The following HAUS6 variants were observed in gnomAD, a reference collection of about 807,000 sequenced individuals.
The protein encoded by HAUS6 is HAUS augmin-like complex subunit 6.
In HAUS6, 80 loss-of-function variants were observed where a neutral mutation model predicts 106.8. That is an observed-to-expected ratio of 0.75 (90% confidence interval 0.63 to 0.90). The LOEUF (loss-of-function observed/expected upper bound fraction) is 0.90, where lower values mean the gene tolerates loss of function less well. Among genes scored for constraint, HAUS6 ranks in the 40% least tolerant of loss-of-function variants. HAUS6 has a pLI of 0.00. For synonymous variants in HAUS6, 356 were observed against 379.1 expected, an observed-to-expected ratio of 0.94 and a Z score of 0.71; for missense variants, 1,155 against 1,118.1, an observed-to-expected ratio of 1.03 and a Z score of -0.47.
At chr9:19,084,288 T>G (rs1837232896) in intron 7 of HAUS6, among the ~76,000 whole-genome samples, 1 of 152,198 alleles carries the variant, frequency 6.6e-6, no homozygotes, top group Non-Finnish European at 1.5e-5. Flanking sequence ...TATACTGGCA[T>G]TTATATGAAG....
chr9:19,100,616 G>T (rs1482625020), intron 1 of HAUS6, among the ~76,000 whole-genome samples: 3 of 152,086 alleles, frequency 2.0e-5, no homozygotes, highest in African/African-American at 7.2e-5. Context: ...ATATGAAAGA[G>T]GCATCTGCAC....
rs1348234470 is a variant in HAUS6 at position 19,055,391 on chromosome 9, T to C, written c.*952A>G. ...AAGGAGTGAGGCAGGAGACTGCAAGTGTGACAAGTTATTTAACCCCAAGTT... is the reference window on the plus strand; with the variant it reads ...AAGGAGTGAGGCAGGAGACTGCAAGCGTGACAAGTTATTTAACCCCAAGTT... On this transcript the variant is annotated 3_prime_UTR_variant, in exon 17 of 17. Transcript: ENST00000380502. The C allele has an allele frequency of 6.6e-6, 1 of 152,190 alleles. No individual in the cohort carries two copies. Among genetic ancestry groups the C allele is most frequent in the African/African-American group, 2.4e-5 (1 of 41,438 alleles). The allele number at this position is 152,190 out of a possible 1,614,324, so 9.4% of individuals were successfully genotyped here. A position where few individuals can be genotyped will look rare whatever the true frequency, so the allele number is the denominator to read the frequency against.
chr9:19,060,325 C>T (rs1447065821), intron 14 of HAUS6, 102 bp from the exon 15 acceptor site: 13 of 852,034 alleles, frequency 1.5e-5, no homozygotes. Context: ...GTCAGCAGCC[C>T]CTCCCATTGC....
intron 1 of HAUS6, 78 bp downstream of exon 1, chr9:19,102,446 C>T (rs1818009742): frequency 6.8e-7 from 1 of 1,473,314 alleles, no homozygotes; most frequent in African/African-American, 1.4e-5. Context: ...TAATCAACCT[C>T]CGGGGTCTAC....
intron 12 of HAUS6, chr9:19,063,783 C>G: frequency 2.7e-6 from 2 of 731,680 alleles, no homozygotes; most frequent in Non-Finnish European, 5.1e-6. Flanking sequence ...GTATCAGCCT[C>G]CCAATTATGA....
chr9:19,063,669 G>A (rs146620362), intron 12 of HAUS6, 89 bp from the exon 13 acceptor site: 91 of 885,720 alleles, frequency 1.0e-4, no homozygotes, highest in East Asian at 1.9e-4. Context: ...TGTCTGCCCC[G>A]TATCTGTCCG....
In HAUS6 at chr9:19,060,210, A is replaced by G. The variant is rs373829082; in HGVS notation, c.1643T>C (p.Val548Ala). 2 of 1,555,300 alleles carry G rather than the reference A, an allele frequency of 1.3e-6. No individual in the cohort carries two copies. The highest frequency in any genetic ancestry group is 1.4e-5 in the African/African-American group (1 of 72,032). ...DHLVEEVARAVLSDSPQLSEG... is the reference protein window; with the variant it reads ...DHLVEEVARAALSDSPQLSEG... ...AGAGAGCTGTGGTGAATCAGATAAAACTGCTCTGGCAACCTAAAACAGAAA... is the reference window on the plus strand; with the variant it reads ...AGAGAGCTGTGGTGAATCAGATAAAGCTGCTCTGGCAACCTAAAACAGAAA... Residue 548 changes from valine to alanine, a missense_variant, in exon 15 of 17, where the codon GTT (valine) becomes GCT (alanine). By Grantham distance (64) the Val-to-Ala change is moderately conservative. This residue lies in a region of HAUS6 where 761 missense variants were observed against 690.0 expected (regional missense o/e 1.10). Transcript: ENST00000380502.
intron 14 of HAUS6, among the ~76,000 whole-genome samples, chr9:19,060,586 A>G (rs1166394530): frequency 1.3e-5 from 2 of 152,246 alleles, no homozygotes; most frequent in Non-Finnish European, 2.9e-5. Flanking sequence ...TAAAATGACT[A>G]GTTTTAAAGG....
intron 1 of HAUS6, among the ~76,000 whole-genome samples, chr9:19,099,423 C>T (rs1817940580): frequency 6.6e-6 from 1 of 152,026 alleles, no homozygotes; most frequent in South Asian, 2.1e-4. Flanking sequence ...ATCTCGGCCT[C>T]CCAAAGTGCT....
At position 19,070,360 on chromosome 9, in the gene HAUS6, G is replaced by A. The variant is rs916393969; in HGVS notation, c.1295-60C>T. On this transcript the variant is annotated intron_variant, in intron 11 of 16. Coordinates refer to ENST00000380502, the MANE Select transcript of HAUS6 (RefSeq NM_017645.5). ...ATGTTTGTACATTCTAACATTCAAG[G>A]ATTCCTTGAAATTCGAGAACAACTT... 12 of 941,524 alleles carry A rather than the reference G, an allele frequency of 1.3e-5. No individual in the cohort carries two copies. In the African/African-American group the frequency reaches 2.0e-4, roughly 16 times the overall value. 58.3% of individuals were successfully genotyped at this position (941,524 alleles called of 1,614,324 possible).
intron 8 of HAUS6, among the ~76,000 whole-genome samples, chr9:19,081,783 G>A (rs549270521): frequency 1.1e-4 from 17 of 152,154 alleles, no homozygotes; most frequent in Non-Finnish European, 2.1e-4. Context: ...CAAAAATTAT[G>A]GGCCAGGCAC....
At chr9:19,086,613 C>A (rs1247296915) in intron 7 of HAUS6, 121 bp downstream of exon 7, 2 of 525,006 alleles carry the variant, frequency 3.8e-6, no homozygotes, top group Non-Finnish European at 3.4e-6. Flanking sequence ...GAGCGAGACT[C>A]CAACTCCAAA....
chr9:19,073,791 C>A (rs921766377), intron 11 of HAUS6: 1 of 152,098 alleles, frequency 6.6e-6, no homozygotes, highest in Non-Finnish European at 1.5e-5. Flanking sequence ...CTGAAGCTCC[C>A]CCTCATTTAT....
chr9:19,082,776 CA>C (rs1837187863), intron 8 of HAUS6, 96 bp downstream of exon 8: 1 of 693,634 alleles, frequency 1.4e-6, no homozygotes, highest in African/African-American at 1.9e-5. Flanking sequence ...AAACAAAAAA[CA>C]AAAAACAAAT....
chr9:19,067,149 T>C (rs11791698), intron 12 of HAUS6, among the ~76,000 whole-genome samples: 5,775 of 152,322 alleles, frequency 0.038, 139 homozygotes, highest in Non-Finnish European at 0.056. Context: ...AATAGTTATA[T>C]TGATCATATC....
chr9:19,093,357 C>G (rs1030352259), intron 3 of HAUS6, 54 bp from the exon 4 acceptor site: 1 of 1,409,930 alleles, frequency 7.1e-7, no homozygotes, highest in Non-Finnish European at 9.9e-7. Flanking sequence ...ATAACTCTTA[C>G]ATTTACATCA....
At chr9:19,097,742 T>G (rs1817894136) in intron 1 of HAUS6, among the ~76,000 whole-genome samples, 1 of 151,210 alleles carries the variant, frequency 6.6e-6, no homozygotes, top group Non-Finnish European at 1.5e-5. Context: ...TTGTGCCAAT[T>G]ACCCTAATTA....
At chr9:19,069,812 T>C (rs1836849630) in intron 12 of HAUS6, among the ~76,000 whole-genome samples, 1 of 152,130 alleles carries the variant, frequency 6.6e-6, no homozygotes, top group Non-Finnish European at 1.5e-5. Flanking sequence ...AAATCAAATT[T>C]GGGTCAGGCA....
chr9:19,102,432 T>C lies in HAUS6; in HGVS notation c.128+92A>G. On this transcript the variant is annotated intron_variant, in intron 1 of 16. Transcript: ENST00000380502. ...CACAGAGTAACTGCTCAACCAATTC[T>C]GATTAATCAACCTCCGGGGTCTACA... is the stretch of plus-strand genomic sequence containing the variant. 6 of 1,380,142 alleles carry C rather than the reference T, an allele frequency of 4.3e-6. No individual in the cohort carries two copies. In the East Asian group the frequency reaches 9.2e-5, roughly 21 times the overall value. 85.5% of individuals were successfully genotyped at this position (1,380,142 alleles called of 1,614,324 possible).
Sources: allele counts gnomAD v4.1 joint callset (sites outside exome capture counted in the v4.1 genomes callset), GRCh38; gene constraint gnomAD v4.1.1; regional missense constraint gnomAD v4.1.1; transcripts MANE v1.5; gene names NCBI Gene and HGNC (gene_info 2026-07-23, HGNC 2026-07-21).